The following HIF1AN variants were observed in gnomAD, a reference collection of about 807,000 sequenced individuals.
HIF1AN encodes the protein hypoxia-inducible factor 1-alpha inhibitor.
Under a neutral mutation model 47.7 loss-of-function variants are expected in HIF1AN, and 21 were observed. That is an observed-to-expected ratio of 0.44 (90% CI 0.31 to 0.63). The LOEUF is 0.63. Among genes scored for constraint, HIF1AN ranks in the 30% least tolerant of loss-of-function variants. The probability of loss-of-function intolerance (pLI) is 0.07; values close to 1 mark genes in which losing one functional copy is unlikely to be tolerated. For synonymous variants in HIF1AN, 152 were observed against 155.9 expected, an observed-to-expected ratio of 0.98 and a Z score of 0.18; for missense variants, 320 against 432.7, an observed-to-expected ratio of 0.74 and a Z score of 2.31.
At position 100,552,669 on chromosome 10, in the gene HIF1AN, C is replaced by A. The variant is rs1054666380; in HGVS notation, c.*4532C>A. ...GGCCTCCTTACCAAGACCCTTTTTCCTAAACAGTTGTCCTTCCCTCAGAAA... is the reference window on the plus strand; with the variant it reads ...GGCCTCCTTACCAAGACCCTTTTTCATAAACAGTTGTCCTTCCCTCAGAAA... On this transcript the variant is annotated 3_prime_UTR_variant, in exon 8 of 8. Coordinates refer to ENST00000299163, the MANE Select transcript of HIF1AN (RefSeq NM_017902.3). 1.3e-5 allele frequency: 2 copies of A among 152,414 alleles called. No homozygotes were observed. The highest frequency in any genetic ancestry group is 4.8e-5 in the African/African-American group (2 of 41,436). 9.4% of individuals were successfully genotyped at this position (152,414 alleles called of 1,614,324 possible). A position where few individuals can be genotyped will look rare whatever the true frequency, so the allele number is the denominator to read the frequency against.
In HIF1AN at chr10:100,535,975, C is replaced by T. The variant is rs906211591; in HGVS notation, c.17C>T (p.Ala6Val). The T allele has an allele frequency of 1.3e-5, 20 of 1,550,934 alleles. No individual in the cohort carries two copies. The African/African-American group carries it at 1.9e-4, about 15-fold the overall frequency. ...GCGGCGGAGATGGCGGCGACAGCGG[C>T]GGAGGCTGTGGCCTCTGGCTCTGGA... Reference protein sequence around the residue: MAATAAEAVASGSGEP... With the variant: MAATAVEAVASGSGEP... Residue 6 changes from alanine to valine, a missense_variant, in exon 1 of 8, where the codon GCG (alanine) becomes GTG (valine). By Grantham distance (64) the Ala-to-Val change is moderately conservative. This residue lies in a region of HIF1AN where 159 missense variants were observed against 159.9 expected (regional missense o/e 0.99). Transcript: ENST00000299163.
chr10:100,548,339 GC>G lies in HIF1AN; in HGVS notation c.*204del. ...CTATTTGGAGGGACTTCATACCCTT[GC>G]CTCTTGTGCCCCAGCACCTTCTCTC... On this transcript the variant is annotated 3_prime_UTR_variant, in exon 8 of 8. Coordinates refer to ENST00000299163, the MANE Select transcript of HIF1AN (RefSeq NM_017902.3). 2.0e-6 allele frequency: 1 copy of G among 496,236 alleles called. No individual in the cohort carries two copies. The highest frequency in any genetic ancestry group is 3.4e-5 in the South Asian group (1 of 29,520). The allele number at this position is 496,236 out of a possible 1,614,324, so 30.7% of individuals were successfully genotyped here.
At chr10:100,543,850 C>T (rs879207132) in intron 3 of HIF1AN, among the ~76,000 whole-genome samples, 2 of 152,320 alleles carry the variant, frequency 1.3e-5, no homozygotes, top group African/African-American at 4.8e-5. Context: ...GCATTACAGG[C>T]GTGAGCCGCT....
chr10:100,537,930 A>G (rs536785529), intron 2 of HIF1AN, among the ~76,000 whole-genome samples: 1 of 152,322 alleles, frequency 6.6e-6, no homozygotes, highest in South Asian at 2.1e-4. Context: ...GTCTTAATAT[A>G]TTGGTTCAGT....
intron 3 of HIF1AN, among the ~76,000 whole-genome samples, chr10:100,541,885 C>T (rs185226201): frequency 2.2e-3 from 331 of 152,260 alleles, no homozygotes; most frequent in African/African-American, 5.5e-3. Context: ...ATTGTGTAGC[C>T]TTCTATATGC....
rs1474889634 is a variant in HIF1AN, at chr10:100,545,000, G to A, written c.627G>A (p.Gln209=). The A allele has an allele frequency of 2.7e-5, 44 of 1,614,060 alleles. No individual in the cohort carries two copies. Among genetic ancestry groups the A allele is most frequent in the Non-Finnish European group, 3.1e-5 (37 of 1,180,036 alleles). ...HYDEQQNFFA[Q]IKGYKRCILF... ...ATGAGCAGCAGAACTTTTTTGCTCA[G>A]ATAAAAGGTTACAAACGATGCATCT... The change falls in exon 4 of 8, where the codon CAG becomes CAA. Residue 209 remains glutamine, a synonymous_variant. Transcript: ENST00000299163.
rs1843199091 is a variant in HIF1AN at position 100,554,652 on chromosome 10, A to C, written c.*6515A>C. 6.6e-6 allele frequency: 1 copy of C among 151,778 alleles called. No individual in the cohort carries two copies. The highest frequency in any genetic ancestry group is 1.5e-5 in the Non-Finnish European group (1 of 68,002). 9.4% of individuals were successfully genotyped at this position (151,778 alleles called of 1,614,324 possible). A position where few individuals can be genotyped will look rare whatever the true frequency, so the allele number is the denominator to read the frequency against. ...GAAACCCTGTCTCTACTAAAAATACAAAAATTAGCCAGATGTGGTGGTGGG... is the reference window on the plus strand; with the variant it reads ...GAAACCCTGTCTCTACTAAAAATACCAAAATTAGCCAGATGTGGTGGTGGG... On this transcript the variant is annotated 3_prime_UTR_variant, in exon 8 of 8. Coordinates refer to ENST00000299163, the MANE Select transcript of HIF1AN (RefSeq NM_017902.3).
rs1778532471 is a variant in HIF1AN, at chr10:100,554,946, C to G, written c.*6809C>G. On this transcript the variant is annotated 3_prime_UTR_variant, in exon 8 of 8. Transcript: ENST00000299163. ...TGTTCCAGGCACTGTATTAGTTCGT[C>G]CCCATGTGGTGCTCTCAGATCAGTA... The G allele has an allele frequency of 6.6e-6, 1 of 152,220 alleles. No homozygotes were observed. The highest frequency in any genetic ancestry group is 2.4e-5 in the African/African-American group (1 of 41,444). The allele number at this position is 152,220 out of a possible 1,614,324, so 9.4% of individuals were successfully genotyped here. A position where few individuals can be genotyped will look rare whatever the true frequency, so the allele number is the denominator to read the frequency against.
In HIF1AN at chr10:100,536,436, A is replaced by G. The variant is rs1189583914; in HGVS notation, c.203A>G (p.Asn68Ser). ...GAGCCTGTGGTGCTGACCGACACAA[A>G]TCTTGTGTATCCTGCCCTGAAATGG... ...NEEPVVLTDT[N>S]LVYPALKWDL... Residue 68 changes from asparagine (N) to serine (S), a missense_variant, in exon 2 of 8, where the codon AAT becomes AGT. By Grantham distance (46) the Asn-to-Ser change is conservative. Coordinates refer to ENST00000299163, the MANE Select transcript of HIF1AN (RefSeq NM_017902.3). 6.2e-7 allele frequency: 1 copy of G among 1,613,926 alleles called. No individual in the cohort carries two copies. Among genetic ancestry groups the G allele is most frequent in the African/African-American group, 1.3e-5 (1 of 74,866 alleles).
rs566416557 is a variant in HIF1AN at position 100,555,961 on chromosome 10, T to C, written c.*7824T>C. 2.6e-5 allele frequency: 4 copies of C among 152,342 alleles called. No individual in the cohort carries two copies. In the South Asian group the frequency reaches 6.2e-4, roughly 24 times the overall value. The allele number at this position is 152,342 out of a possible 1,614,324, so 9.4% of individuals were successfully genotyped here. Reference sequence around the variant, plus strand: ...CATGACTTTGGGCAAATGGACAAACTGCCCGAAACTTGACTTGTTTATATG... The same window carrying C: ...CATGACTTTGGGCAAATGGACAAACCGCCCGAAACTTGACTTGTTTATATG... On this transcript the variant is annotated 3_prime_UTR_variant, in exon 8 of 8. Coordinates refer to ENST00000299163, the MANE Select transcript of HIF1AN (RefSeq NM_017902.3).
At chr10:100,541,177 C>G (rs997909044) in intron 3 of HIF1AN, among the ~76,000 whole-genome samples, 11 of 152,088 alleles carry the variant, frequency 7.2e-5, no homozygotes, top group African/African-American at 2.7e-4. Context: ...CAAGATCACG[C>G]CACTGCACTC....
intron 3 of HIF1AN, among the ~76,000 whole-genome samples, chr10:100,544,667 G>T (rs1266840672): frequency 6.6e-6 from 1 of 152,184 alleles, no homozygotes; most frequent in Admixed American, 6.5e-5. Context: ...GGATCATTTT[G>T]ATGTGCTCTT....
intron 2 of HIF1AN, among the ~76,000 whole-genome samples, chr10:100,537,263 G>A (rs1021965837): frequency 2.6e-5 from 4 of 152,102 alleles, no homozygotes; most frequent in Admixed American, 6.6e-5. Context: ...GAGATATTCC[G>A]ATTTTCAAGA....
Position 100,535,954 on chromosome 10 carries a change from C to G in HIF1AN, c.-5C>G, listed in dbSNP as rs747755694. On this transcript the variant is annotated 5_prime_UTR_variant, in exon 1 of 8. Coordinates refer to ENST00000299163, the MANE Select transcript of HIF1AN (RefSeq NM_017902.3). ...TTCCGGTGGGGGCCGTCCCTGGCGG[C>G]GGAGATGGCGGCGACAGCGGCGGAG... 26 of 1,545,556 alleles carry G rather than the reference C, an allele frequency of 1.7e-5. No homozygotes were observed. In the Middle Eastern group the frequency reaches 5.0e-4, roughly 30 times the overall value.
chr10:100,543,930 G>A (rs1168246127), intron 3 of HIF1AN, among the ~76,000 whole-genome samples: 1 of 152,230 alleles, frequency 6.6e-6, no homozygotes, highest in African/African-American at 2.4e-5. Flanking sequence ...GTGCATGGAA[G>A]TGGATCCCTC....
chr10:100,540,893 T>G, intron 3 of HIF1AN, 111 bp downstream of exon 3: 1 of 990,002 alleles, frequency 1.0e-6, no homozygotes, highest in Non-Finnish European at 1.4e-6. Context: ...TTCACTTTCT[T>G]AAGCCTCAGC....
At position 100,548,219 on chromosome 10, in the gene HIF1AN, C is replaced by T. The variant is rs148206114; in HGVS notation, c.*82C>T. On this transcript the variant is annotated 3_prime_UTR_variant, in exon 8 of 8. Coordinates refer to ENST00000299163, the MANE Select transcript of HIF1AN (RefSeq NM_017902.3). The stretch of plus-strand genomic sequence containing the variant: ...ATTGATGAGGACAGGAGACTCCAAG[C>T]GCTAGTATTGCACGCTGCACTTAAT... 220 of 1,233,940 alleles carry T rather than the reference C, an allele frequency of 1.8e-4. 2 individuals carry two copies. In the East Asian group the frequency reaches 4.5e-3, roughly 25 times the overall value. 76.4% of individuals were successfully genotyped at this position (1,233,940 alleles called of 1,614,324 possible).
Position 100,549,771 on chromosome 10 carries a change from C to G in HIF1AN, c.*1634C>G, listed in dbSNP as rs554131111. ...TTCTTTTCTTTTTTTTTTTTTTTGC[C>G]AAAGGTTTACTTCCAGCATCTGAGC... On this transcript the variant is annotated 3_prime_UTR_variant, in exon 8 of 8. Transcript: ENST00000299163. 8 of 148,966 alleles carry G rather than the reference C, an allele frequency of 5.4e-5. No homozygotes were observed. Among genetic ancestry groups the G allele is most frequent in the Non-Finnish European group, 1.2e-4 (8 of 67,540 alleles). The allele number at this position is 148,966 out of a possible 1,614,324, so 9.2% of individuals were successfully genotyped here.
intron 2 of HIF1AN, among the ~76,000 whole-genome samples, chr10:100,538,477 G>A (rs979300226): frequency 1.3e-4 from 20 of 152,038 alleles, no homozygotes; most frequent in African/African-American, 2.2e-4. Flanking sequence ...TTTGGGGAGC[G>A]TTGCATTGAG....
Sources: allele counts gnomAD v4.1 joint callset (sites outside exome capture counted in the v4.1 genomes callset), GRCh38; gene constraint gnomAD v4.1.1; regional missense constraint gnomAD v4.1.1; transcripts MANE v1.5; gene names NCBI Gene and HGNC (gene_info 2026-07-23, HGNC 2026-07-21).